Variants in MBNL3 observed in about 807,000 individuals in gnomAD.
MBNL3 encodes the protein muscleblind-like protein 3.
Under a neutral mutation model 24.5 loss-of-function variants are expected in MBNL3, and 6 were observed. That is an observed-to-expected ratio of 0.25 (90% CI 0.13 to 0.48). MBNL3 has a LOEUF of 0.48. Ranked by LOEUF, MBNL3 falls within the 20% of genes least tolerant of loss-of-function variation. The pLI is 0.99. For synonymous variants in MBNL3, 100 were observed against 101.7 expected (o/e 0.98, Z 0.10); for missense variants, 230 against 293.5 (o/e 0.78, Z 1.58).
chrX:132,376,313 A>C lies in MBNL3; in HGVS notation c.*3353T>G, dbSNP rs1934142183. On this transcript the variant is annotated 3_prime_UTR_variant, in exon 9 of 9. Coordinates refer to ENST00000370853, the MANE Select transcript of MBNL3 (RefSeq NM_001386889.1). ...GAATCATGCTTCAATTACAAAAGTA[A>C]ATACTGTATTTAAATAGCAATTTTA... 1 of 112,105 alleles carries C rather than the reference A, an allele frequency of 8.9e-6. No homozygotes were observed. The highest frequency in any genetic ancestry group is 3.2e-5 in the African/African-American group (1 of 30,952). The allele number at this position is 112,105 out of a possible 1,213,427, so 9.2% of individuals were successfully genotyped here. A position where few individuals can be genotyped will look rare whatever the true frequency, so the allele number is the denominator to read the frequency against.
chrX:132,436,035 C>A (rs1311180520), intron 2 of MBNL3, among the ~76,000 whole-genome samples: 1 of 111,969 alleles, frequency 8.9e-6, no homozygotes, highest in Non-Finnish European at 1.9e-5. Context: ...AAAATGATGA[C>A]CCTTCGTTAA....
intron 2 of MBNL3, chrX:132,413,363 T>C: frequency 1.9e-6 from 1 of 526,565 alleles, no homozygotes; most frequent in Non-Finnish European, 2.9e-6. Flanking sequence ...AAAAAATTTT[T>C]TAGTATAAGT....
At chrX:132,385,999 A>C (rs990305501) in intron 6 of MBNL3, among the ~76,000 whole-genome samples, 4 of 111,330 alleles carry the variant, frequency 3.6e-5, no homozygotes, top group African/African-American at 1.3e-4. Context: ...AACCACTGGA[A>C]GAAAATTAGT....
At position 132,396,687 on chromosome X, in the gene MBNL3, T is replaced by G. The variant is rs369926823; in HGVS notation, c.343-4353A>C. Among the ~76,000 whole-genome samples the G allele has an allele frequency of 7.9e-5, 4 of 50,910 alleles. 1 individual carries two copies. The highest frequency in any genetic ancestry group is 6.7e-4 in the Admixed American group (2 of 2,971). 44.2% of individuals were successfully genotyped at this position (50,910 alleles called of 115,157 possible). A position where few individuals can be genotyped will look rare whatever the true frequency, so the allele number is the denominator to read the frequency against. On this transcript the variant is annotated intron_variant, in intron 3 of 8. Transcript: ENST00000370853. ...TCACATATATATATTCATATATATA[T>G]ATTCATATATATATTCATATATATA...
Position 132,378,451 on chromosome X carries a change from G to C in MBNL3, c.*1215C>G, listed in dbSNP as rs1198952261. The C allele has an allele frequency of 2.7e-5, 3 of 111,607 alleles. No homozygotes were observed. Among genetic ancestry groups the C allele is most frequent in the African/African-American group, 9.8e-5 (3 of 30,722 alleles). 9.2% of individuals were successfully genotyped at this position (111,607 alleles called of 1,213,427 possible). ...TTTGCAACCAATTCTCTTTCACCCT[G>C]ACTGACTTTTGCTAGATTGCATCTT... is the stretch of plus-strand genomic sequence containing the variant. On this transcript the variant is annotated 3_prime_UTR_variant, in exon 9 of 9. Transcript: ENST00000370853.
intron 1 of MBNL3, among the ~76,000 whole-genome samples, chrX:132,482,619 A>G (rs1326586740): frequency 8.9e-6 from 1 of 112,077 alleles, no homozygotes; most frequent in Non-Finnish European, 1.9e-5. Flanking sequence ...AAATTCACAA[A>G]CTGCCTCACA....
chrX:132,380,920 T>C (rs1422584279), intron 8 of MBNL3, among the ~76,000 whole-genome samples: 1 of 111,289 alleles, frequency 9.0e-6, no homozygotes, highest in Non-Finnish European at 1.9e-5. Flanking sequence ...CTAAATTATG[T>C]CACTCAAAAT....
chrX:132,435,896 C>T (rs1945090509), intron 2 of MBNL3, among the ~76,000 whole-genome samples: 1 of 111,522 alleles, frequency 9.0e-6, no homozygotes, highest in Non-Finnish European at 1.9e-5. Context: ...ACATTTATAT[C>T]CTTCCTGGAT....
intron 1 of MBNL3, among the ~76,000 whole-genome samples, chrX:132,461,023 C>T (rs767237482): frequency 8.9e-6 from 1 of 111,894 alleles, no homozygotes; most frequent in African/African-American, 3.2e-5. Flanking sequence ...ATCCAAGTTG[C>T]TTCAAAAGAC....
rs769846236 is a variant in MBNL3, at chrX:132,386,792, A to C, written c.791T>G (p.Leu264Arg). The C allele has an allele frequency of 2.5e-6, 3 of 1,210,911 alleles. No homozygotes were observed. The highest frequency in any genetic ancestry group is 2.2e-6 in the Non-Finnish European group (2 of 895,357). ...ASAMALQPGTLQLIPKRSALE... is the reference protein window; with the variant it reads ...ASAMALQPGTRQLIPKRSALE... ...TGCTGATCTCTTTGGTATCAGTTGC[A>C]GTGTACCAGGCTGCAGGGCCTGTGG... The change falls in exon 6 of 9, where the codon CTG (leucine) becomes CGG (arginine). Residue 264 changes from leucine to arginine, a missense_variant. Transcript: ENST00000370853.
intron 3 of MBNL3, among the ~76,000 whole-genome samples, chrX:132,396,604 C>CGGAA (rs1938840785): frequency 5.7e-5 from 1 of 17,441 alleles, no homozygotes. Flanking sequence ...ATATATATTC[C>CGGAA]TATATATATT....
At chrX:132,447,563 T>C (rs1945798937) in intron 1 of MBNL3, among the ~76,000 whole-genome samples, 1 of 111,971 alleles carries the variant, frequency 8.9e-6, no homozygotes, top group South Asian at 3.7e-4. Flanking sequence ...TGTCTGTTAT[T>C]GATGGATAGG....
At chrX:132,475,017 C>CA (rs201577251) in intron 1 of MBNL3, among the ~76,000 whole-genome samples, 34 of 110,393 alleles carry the variant, frequency 3.1e-4, no homozygotes, top group Middle Eastern at 4.7e-3. Flanking sequence ...GCTTCTATAA[C>CA]AAAAAAAAAT....
intron 2 of MBNL3, among the ~76,000 whole-genome samples, chrX:132,420,661 C>G (rs1299377733): frequency 3.6e-5 from 4 of 110,763 alleles, no homozygotes; most frequent in Non-Finnish European, 7.6e-5. Context: ...TTGCAAGCCC[C>G]GTGTTTAAAG....
chrX:132,394,539 C>T (rs1303285560), intron 3 of MBNL3, among the ~76,000 whole-genome samples: 1 of 112,002 alleles, frequency 8.9e-6, no homozygotes, highest in African/African-American at 3.2e-5. Context: ...CTGAAGCCAC[C>T]AGCCCATTCT....
intron 2 of MBNL3, among the ~76,000 whole-genome samples, chrX:132,414,797 CAAG>C (rs200055502): frequency 0.013 from 1,410 of 111,099 alleles, 19 homozygotes; most frequent in African/African-American, 0.042. Flanking sequence ...TTTTACAGGT[CAAG>C]TTTTCCTTAG....
chrX:132,473,982 A>G (rs1458746859), intron 1 of MBNL3, among the ~76,000 whole-genome samples: 5 of 111,695 alleles, frequency 4.5e-5, no homozygotes, highest in Non-Finnish European at 7.5e-5. Context: ...TCAAAGCTTA[A>G]GGTAGAGAAG....
chrX:132,479,469 T>C (rs1195800098), intron 1 of MBNL3, among the ~76,000 whole-genome samples: 1 of 112,267 alleles, frequency 8.9e-6, no homozygotes, highest in East Asian at 2.8e-4. Flanking sequence ...TAAAATCATA[T>C]TTTGAAATAT....
At chrX:132,445,313 T>C (rs1293145173) in intron 1 of MBNL3, among the ~76,000 whole-genome samples, 1 of 110,779 alleles carries the variant, frequency 9.0e-6, no homozygotes, top group Non-Finnish European at 1.9e-5. Context: ...CAAGTTCTAT[T>C]TCCCTCACGT....
Sources: allele counts gnomAD v4.1 joint callset (sites outside exome capture counted in the v4.1 genomes callset), GRCh38; gene constraint gnomAD v4.1.1; transcripts MANE v1.5; gene names NCBI Gene and HGNC (gene_info 2026-07-23, HGNC 2026-07-21).